Variants in PLEKHG4B observed in about 807,000 individuals in gnomAD.
PLEKHG4B encodes the protein pleckstrin homology and RhoGEF domain containing G4B.
PLEKHG4B carries 111 observed loss-of-function variants against 121.3 expected under a neutral mutation model. That is an observed-to-expected ratio of 0.92 (90% confidence interval 0.78 to 1.07). The LOEUF (loss-of-function observed/expected upper bound fraction) is 1.07, where lower values mean the gene tolerates loss of function less well. PLEKHG4B is among the 50% of genes least tolerant of loss of function. PLEKHG4B has a pLI of 0.00. For missense variants in PLEKHG4B, 1,831 were observed against 1,757.8 expected (o/e 1.04, Z -0.74); for synonymous variants, 738 against 725.0 (o/e 1.02, Z -0.29).
At position 140,493 on chromosome 5, in the gene PLEKHG4B, GCA is replaced by G. The variant is rs1735131614; in HGVS notation, c.1260_1261del (p.Pro421GlnfsTer170). On this transcript the variant is annotated frameshift_variant, in exon 3 of 20. Transcript: ENST00000637938. LOFTEE classifies it high-confidence loss of function. ...QQTPSLEKERHTPSRTGPGAA... is the reference protein window; with the variant it reads ...QQTPSLEKERXTPSRTGPGAA... ...AGACCCCAAGTCTAGAGAAGGAGAG[GCA>G]CACACCCAGCCGGACAGGTCCAGGA... 2.5e-6 allele frequency: 4 copies of G among 1,595,908 alleles called. No homozygotes were observed. Among genetic ancestry groups the G allele is most frequent in the Non-Finnish European group, 1.7e-6 (2 of 1,171,754 alleles).
At chr5:122,844 T>G (rs1371406374) in intron 2 of PLEKHG4B, among the ~76,000 whole-genome samples, 2 of 152,192 alleles carry the variant, frequency 1.3e-5, no homozygotes, top group Non-Finnish European at 1.5e-5. Flanking sequence ...ACAATGAGTA[T>G]TACCAGAGAC....
chr5:120,460 C>T (rs1390160181), intron 2 of PLEKHG4B, among the ~76,000 whole-genome samples: 2 of 152,202 alleles, frequency 1.3e-5, no homozygotes, highest in Non-Finnish European at 2.9e-5. Flanking sequence ...TGAAATTAAT[C>T]AACCTTAAAA....
rs111704367 is a variant in PLEKHG4B, at chr5:154,012, A to ATT, written c.1993-854_1993-853dup. Among the ~76,000 whole-genome samples, 529 of 141,272 alleles carry ATT rather than the reference A, an allele frequency of 3.7e-3. 1 individual carries two copies. Among genetic ancestry groups the ATT allele is most frequent in the African/African-American group, 0.013 (497 of 38,922 alleles). The allele number at this position is 141,272 out of a possible 152,430, so 92.7% of individuals were successfully genotyped here. ...GCCAGATGCCCCTCTCGTTTCCTTT[A>ATT]TTTTTTTTTTGAGACAGAGTCTCGT... On this transcript the variant is annotated intron_variant, in intron 7 of 19. Coordinates refer to ENST00000637938, the MANE Select transcript of PLEKHG4B (RefSeq NM_052909.5).
At chr5:134,264 G>A (rs557891346) in intron 2 of PLEKHG4B, among the ~76,000 whole-genome samples, 18 of 151,580 alleles carry the variant, frequency 1.2e-4, no homozygotes, top group Non-Finnish European at 2.5e-4. Context: ...ATAAGTGGCA[G>A]CTAAGCTATG....
Position 162,846 on chromosome 5 carries a change from TG to T in PLEKHG4B, c.2776del (p.Ala926GlnfsTer3). On this transcript the variant is annotated frameshift_variant, in exon 13 of 20. Coordinates refer to ENST00000637938, the MANE Select transcript of PLEKHG4B (RefSeq NM_052909.5). LOFTEE classifies it high-confidence loss of function. ...VAAEAFPGAG[V>X]AVLKPHALGK... is the part of the protein sequence containing the mutation. ...GCAGAGGCCTTCCCCGGGGCAGGTGTGGCAGTGCTGAAGCCTCATGCCCTGG... is the reference window on the plus strand; with the variant it reads ...GCAGAGGCCTTCCCCGGGGCAGGTGTGCAGTGCTGAAGCCTCATGCCCTGG... 1 of 1,513,780 alleles carries T rather than the reference TG, an allele frequency of 6.6e-7. No homozygotes were observed. 93.8% of individuals were successfully genotyped at this position (1,513,780 alleles called of 1,614,324 possible).
At chr5:134,076 AATATATATATATAT>A (rs67940117) in intron 2 of PLEKHG4B, among the ~76,000 whole-genome samples, 1,280 of 40,318 alleles carry the variant, frequency 0.032, 33 homozygotes, top group African/African-American at 0.058. Flanking sequence ...TATATGATAG[AATATATATATATAT>A]ATATATATAT....
At chr5:102,860 G>A (rs935343121) in intron 1 of PLEKHG4B, among the ~76,000 whole-genome samples, 2 of 152,322 alleles carry the variant, frequency 1.3e-5, no homozygotes, top group South Asian at 2.1e-4. Flanking sequence ...CTGCCTGGGC[G>A]ACATCTGTGT....
At chr5:169,781 C>T (rs570633442) in intron 14 of PLEKHG4B, among the ~76,000 whole-genome samples, 189 bp downstream of exon 14, 104 of 152,370 alleles carry the variant, frequency 6.8e-4, no homozygotes, top group African/African-American at 2.3e-3. Flanking sequence ...TGTGGGTCTC[C>T]AGTGCTCGGT....
intron 2 of PLEKHG4B, among the ~76,000 whole-genome samples, chr5:126,215 A>G (rs1734606992): frequency 6.6e-6 from 1 of 152,044 alleles, no homozygotes; most frequent in South Asian, 2.1e-4. Flanking sequence ...TGGAACTCCC[A>G]TTTTACATAT....
At chr5:135,725 A>ATATGTATG (rs1553985257) in intron 2 of PLEKHG4B, among the ~76,000 whole-genome samples, 5 of 108,688 alleles carry the variant, frequency 4.6e-5, no homozygotes, top group Non-Finnish European at 7.8e-5. Context: ...ATATATATAT[A>ATATGTATG]TATGTATGTC....
Position 140,318 on chromosome 5 carries a change from T to A in PLEKHG4B, c.1079T>A (p.Leu360Ter). ...TTCAGGGAGTCGTACATGGAAGCCT[T>A]GCGGAACCCCATGCCCCTGGGCAGC... ...RWFRESYMEA[L>*]RNPMPLGSSE... The change falls in exon 3 of 20, where the codon TTG (leucine) becomes TAG (stop). Residue 360 changes from leucine (L) to a stop codon, truncating the protein, a stop_gained. Coordinates refer to ENST00000637938, the MANE Select transcript of PLEKHG4B (RefSeq NM_052909.5). LOFTEE classifies it high-confidence loss of function. 1 of 1,510,602 alleles carries A rather than the reference T, an allele frequency of 6.6e-7. No individual in the cohort carries two copies. The highest frequency in any genetic ancestry group is 8.8e-7 in the Non-Finnish European group (1 of 1,131,950). The allele number at this position is 1,510,602 out of a possible 1,614,324, so 93.6% of individuals were successfully genotyped here.
chr5:182,216 G>A lies in PLEKHG4B; in HGVS notation c.4777G>A (p.Ala1593Thr). ...CAGCCCCTGGTCATCTGATATCAGA[G>A]CCTGCGTCGAGGAAGATGAGCCAGA... The part of the protein sequence containing the change: ...AHSPWSSDIR[A>T]CVEEDEPEPE... The change falls in exon 20 of 20, where the codon GCC (alanine) becomes ACC (threonine). Residue 1593 changes from alanine (A) to threonine (T), a missense_variant. Transcript: ENST00000637938. 1 of 1,613,872 alleles carries A rather than the reference G, an allele frequency of 6.2e-7. No homozygotes were observed. Among genetic ancestry groups the A allele is most frequent in the Non-Finnish European group, 8.5e-7 (1 of 1,180,030 alleles).
chr5:156,672 T>C lies in PLEKHG4B; in HGVS notation c.2349-101T>C. 7.1e-7 allele frequency: 1 copy of C among 1,418,208 alleles called. No individual in the cohort carries two copies. Among genetic ancestry groups the C allele is most frequent in the Non-Finnish European group, 9.4e-7 (1 of 1,060,240 alleles). The allele number at this position is 1,418,208 out of a possible 1,614,324, so 87.9% of individuals were successfully genotyped here. A position where few individuals can be genotyped will look rare whatever the true frequency, so the allele number is the denominator to read the frequency against. On this transcript the variant is annotated intron_variant, in intron 10 of 19. Transcript: ENST00000637938. The surrounding 1 kb of genome is among the most constrained non-coding windows in gnomAD (Gnocchi z 4.4). ...CTGGGGCTCCCGTTGCCTTGTGGCA[T>C]GAGGGAATGGAAAGAGCAGGGTTTT... is the stretch of plus-strand genomic sequence containing the variant.
At chr5:162,080 T>C (rs939986769) in intron 12 of PLEKHG4B, 136 bp downstream of exon 12, 26 of 1,023,534 alleles carry the variant, frequency 2.5e-5, no homozygotes, top group African/African-American at 1.9e-4. Flanking sequence ...GGAGCCCCCC[T>C]GGCCACTGCG....
In PLEKHG4B at chr5:154,777, G is replaced by C. The variant is rs112810741; in HGVS notation, c.1993-98G>C. 35 of 904,232 alleles carry C rather than the reference G, an allele frequency of 3.9e-5. No homozygotes were observed. The African/African-American group carries it at 4.4e-4, about 11-fold the overall frequency. 56.0% of individuals were successfully genotyped at this position (904,232 alleles called of 1,614,324 possible). A position where few individuals can be genotyped will look rare whatever the true frequency, so the allele number is the denominator to read the frequency against. On this transcript the variant is annotated intron_variant, in intron 7 of 19. Transcript: ENST00000637938. ...AGCAGGGGCGATACTCCTTGAGCCA[G>C]CCTCTCCATCCTCTGAACCCAGGAA...
intron 13 of PLEKHG4B, among the ~76,000 whole-genome samples, chr5:166,835 C>T (rs1488542016): frequency 6.6e-6 from 1 of 152,220 alleles, no homozygotes. Context: ...CAGTGTTTAC[C>T]TTGTTAAAGG....
rs1020694320 is a variant in PLEKHG4B, at chr5:141,311, AT to A, written c.1477+596del. Among the ~76,000 whole-genome samples the A allele has an allele frequency of 7.9e-5, 10 of 126,458 alleles. No homozygotes were observed. In the Admixed American group the frequency reaches 8.5e-4, roughly 11 times the overall value. The allele number at this position is 126,458 out of a possible 152,430, so 83.0% of individuals were successfully genotyped here. The stretch of plus-strand genomic sequence containing the variant: ...CCACAAGAAGCCTGTCTCCATGTTC[AT>A]ATTGGCGCTCACGTTCTGGAGACCA... On this transcript the variant is annotated intron_variant, in intron 3 of 19. Coordinates refer to ENST00000637938, the MANE Select transcript of PLEKHG4B (RefSeq NM_052909.5).
rs151163016 is a variant in PLEKHG4B at position 140,507 on chromosome 5, G to T, written c.1268G>T (p.Arg423Leu). ...SLEKERHTPS[R>L]TGPGAAGRTL... ...GAGAAGGAGAGGCACACACCCAGCC[G>T]GACAGGTCCAGGAGCTGCAGGGCGG... The change falls in exon 3 of 20, where the codon CGG becomes CTG. Residue 423 changes from arginine (R) to leucine (L), a missense_variant. Coordinates refer to ENST00000637938, the MANE Select transcript of PLEKHG4B (RefSeq NM_052909.5). 1 of 1,596,784 alleles carries T rather than the reference G, an allele frequency of 6.3e-7. No homozygotes were observed. The highest frequency in any genetic ancestry group is 2.3e-5 in the East Asian group (1 of 44,056).
intron 3 of PLEKHG4B, 21 bp from the exon 4 acceptor site, chr5:143,026 C>T (rs373700504): frequency 3.1e-6 from 5 of 1,606,266 alleles, no homozygotes; most frequent in Admixed American, 1.7e-5. Context: ...ATCTTTGACA[C>T]GGCCTCTTTC....
Sources: gnomAD v4.1 joint callset for allele counts (sites outside exome capture counted in the v4.1 genomes callset) on GRCh38, gnomAD v4.1.1 for gene constraint, Gnocchi (gnomAD v3.1) non-coding constraint, MANE v1.5 for transcripts, NCBI Gene and HGNC (gene_info 2026-07-23, HGNC 2026-07-21) for gene names.